Variants in PCDHGA11 observed in about 807,000 individuals in gnomAD.
The protein encoded by PCDHGA11 is protocadherin gamma subfamily A, 11, also known as protocadherin gamma-A11.
A neutral mutation model predicts 60.4 loss-of-function variants in PCDHGA11; 39 were observed. The observed-to-expected ratio is 0.65, with a 90% CI of 0.50 to 0.84. The LOEUF (loss-of-function observed/expected upper bound fraction) is 0.84, where lower values mean the gene tolerates loss of function less well. Among genes scored for constraint, PCDHGA11 ranks in the 40% least tolerant of loss-of-function variants. The pLI, the probability that PCDHGA11 is intolerant of heterozygous loss-of-function variation, is 0.00. For synonymous variants in PCDHGA11, 533 were observed against 510.3 expected, an observed-to-expected ratio of 1.04 and a Z score of -0.60; for missense variants, 1,165 against 1,197.7, an observed-to-expected ratio of 0.97 and a Z score of 0.40.
chr5:141,439,289 T>C (rs1454088176), intron 1 of PCDHGA11, among the ~76,000 whole-genome samples: 1 of 151,850 alleles, frequency 6.6e-6, no homozygotes, highest in African/African-American at 2.4e-5. Flanking sequence ...CTGTGTTCCA[T>C]GGAAAAAGTA....
intron 1 of PCDHGA11, among the ~76,000 whole-genome samples, chr5:141,460,307 C>A (rs1025049001): frequency 6.6e-6 from 1 of 152,102 alleles, no homozygotes; most frequent in African/African-American, 2.4e-5. Context: ...TATTCAAAAA[C>A]TCCTTGCCTA....
intron 2 of PCDHGA11, among the ~76,000 whole-genome samples, chr5:141,501,057 C>T (rs185929124): frequency 9.7e-4 from 147 of 151,960 alleles, no homozygotes; most frequent in African/African-American, 3.4e-3. Context: ...TTAGTAGAGA[C>T]GGGGTTTCAC....
chr5:141,485,826 G>A lies in PCDHGA11; in HGVS notation c.2434-8981G>A. The A allele has an allele frequency of 6.2e-7, 1 of 1,614,070 alleles. No individual in the cohort carries two copies. Among genetic ancestry groups the A allele is most frequent in the South Asian group, 1.1e-5 (1 of 91,078 alleles). Reference sequence around the variant, plus strand: ...CTGGTGCTGACTGCTGTCGATGGAGGGAACCCGCCGAGATCTGGCACCGCA... The same window carrying A: ...CTGGTGCTGACTGCTGTCGATGGAGAGAACCCGCCGAGATCTGGCACCGCA... On this transcript the variant is annotated intron_variant, in intron 1 of 3. Transcript: ENST00000398587. The surrounding 1 kb of genome is among the most constrained non-coding windows in gnomAD (Gnocchi z 5.7).
At chr5:141,450,885 T>C (rs1262944058) in intron 1 of PCDHGA11, among the ~76,000 whole-genome samples, 1 of 149,238 alleles carries the variant, frequency 6.7e-6, no homozygotes, top group African/African-American at 2.5e-5. Context: ...TGTGCAGTGG[T>C]GCGATATCGG....
chr5:141,443,274 A>G (rs1259320198), intron 1 of PCDHGA11, among the ~76,000 whole-genome samples: 12 of 151,534 alleles, frequency 7.9e-5, no homozygotes, highest in African/African-American at 1.7e-4. Context: ...TGAGCCCAGG[A>G]GTTTGAGACC....
chr5:141,501,030 A>G (rs2099805050), intron 2 of PCDHGA11, among the ~76,000 whole-genome samples: 1 of 151,848 alleles, frequency 6.6e-6, no homozygotes, highest in Admixed American at 6.6e-5. Flanking sequence ...CACCACGCCC[A>G]GCTAATTTTT....
intron 1 of PCDHGA11, among the ~76,000 whole-genome samples, chr5:141,458,876 G>T (rs187470646): frequency 5.0e-4 from 76 of 152,248 alleles, no homozygotes; most frequent in African/African-American, 1.7e-3. Context: ...GGGACTACAG[G>T]CATGCACACC....
chr5:141,432,133 C>G lies in PCDHGA11; in HGVS notation c.2433+8473C>G. ...CGGTCTTCCCTCAGGCCTCCTATTC[C>G]GCTTATATCCCAGAGAACAATCCCA... On this transcript the variant is annotated intron_variant, in intron 1 of 3. Transcript: ENST00000398587. The surrounding 1 kb of genome is among the most constrained non-coding windows in gnomAD (Gnocchi z 6.0). 1 of 1,614,142 alleles carries G rather than the reference C, an allele frequency of 6.2e-7. No homozygotes were observed. The highest frequency in any genetic ancestry group is 1.1e-5 in the South Asian group (1 of 91,070).
chr5:141,478,497 C>A (rs746475685), intron 1 of PCDHGA11: 2 of 1,612,820 alleles, frequency 1.2e-6, no homozygotes, highest in Non-Finnish European at 1.7e-6. Context: ...AGCTGTGATC[C>A]GGTGTTCTAT....
At chr5:141,478,287 G>C (rs777542913) in intron 1 of PCDHGA11, 1 of 1,614,154 alleles carries the variant, frequency 6.2e-7, no homozygotes, top group South Asian at 1.1e-5. Context: ...AAGCAGTCTA[G>C]AGACCTATAC....
rs750014647 is a variant in PCDHGA11, at chr5:141,426,649, T to C, written c.2433+2989T>C. 53 of 418,716 alleles carry C rather than the reference T, an allele frequency of 1.3e-4. 1 individual carries two copies. Among genetic ancestry groups the C allele is most frequent in the South Asian group, 6.9e-4 (42 of 60,762 alleles). The allele number at this position is 418,716 out of a possible 1,614,324, so 25.9% of individuals were successfully genotyped here. On this transcript the variant is annotated intron_variant, in intron 1 of 3. Coordinates refer to ENST00000398587, the MANE Select transcript of PCDHGA11 (RefSeq NM_018914.3). Reference sequence around the variant, plus strand: ...AATGTTTTTCACATAAATGTGATGATAGAAGATATAAATGATAACCCACCT... The same window carrying C: ...AATGTTTTTCACATAAATGTGATGACAGAAGATATAAATGATAACCCACCT...
chr5:141,432,264 C>A lies in PCDHGA11; in HGVS notation c.2433+8604C>A. On this transcript the variant is annotated intron_variant, in intron 1 of 3. Transcript: ENST00000398587. The surrounding 1 kb of genome is among the most constrained non-coding windows in gnomAD (Gnocchi z 6.0). Reference sequence around the variant, plus strand: ...AACACCATCCAAGGGGCAAGCCTATCGTCCTACGTGTCCATCAACTCCGAC... The same window carrying A: ...AACACCATCCAAGGGGCAAGCCTATAGTCCTACGTGTCCATCAACTCCGAC... 5 of 1,614,252 alleles carry A rather than the reference C, an allele frequency of 3.1e-6. No homozygotes were observed. Among genetic ancestry groups the A allele is most frequent in the Non-Finnish European group, 4.2e-6 (5 of 1,180,044 alleles).
chr5:141,497,702 G>A (rs904199928), intron 2 of PCDHGA11, among the ~76,000 whole-genome samples: 16 of 152,054 alleles, frequency 1.1e-4, no homozygotes, highest in African/African-American at 3.9e-4. Context: ...ACCACACCCA[G>A]CTCATTTTTG....
chr5:141,453,387 G>A (rs1313174494), intron 1 of PCDHGA11, among the ~76,000 whole-genome samples: 1 of 151,936 alleles, frequency 6.6e-6, no homozygotes, highest in Non-Finnish European at 1.5e-5. Flanking sequence ...TCCTGCCTTA[G>A]CCTCCAAGTG....
chr5:141,451,216 A>G (rs1561943760), intron 1 of PCDHGA11, among the ~76,000 whole-genome samples: 1 of 152,204 alleles, frequency 6.6e-6, no homozygotes, highest in Non-Finnish European at 1.5e-5. Context: ...TTAGTGGCTT[A>G]AAAGAAGCAT....
At position 141,486,055 on chromosome 5, in the gene PCDHGA11, C is replaced by T; in HGVS notation, c.2434-8752C>T. 6.2e-7 allele frequency: 1 copy of T among 1,614,170 alleles called. No individual in the cohort carries two copies. ...CTGATCGTGTAAGAAACCTCTTTAG[C>T]CTGCACCCCACTACTGGAAAGCTTA... On this transcript the variant is annotated intron_variant, in intron 1 of 3. Transcript: ENST00000398587. The surrounding 1 kb of genome is among the most constrained non-coding windows in gnomAD (Gnocchi z 5.0).
chr5:141,476,747 C>A lies in PCDHGA11; in HGVS notation c.2434-18060C>A. 1 of 1,614,066 alleles carries A rather than the reference C, an allele frequency of 6.2e-7. No homozygotes were observed. The highest frequency in any genetic ancestry group is 1.3e-5 in the African/African-American group (1 of 75,074). On this transcript the variant is annotated intron_variant, in intron 1 of 3. Transcript: ENST00000398587. The surrounding 1 kb of genome is among the most constrained non-coding windows in gnomAD (Gnocchi z 7.6). ...GGACCGAGAACGGGAGCCTAGTCTCCAGTTAGTGCTGACGGCGTTGGACGG... is the reference window on the plus strand; with the variant it reads ...GGACCGAGAACGGGAGCCTAGTCTCAAGTTAGTGCTGACGGCGTTGGACGG...
chr5:141,426,431 A>G (rs916399837), intron 1 of PCDHGA11: 1 of 297,328 alleles, frequency 3.4e-6, no homozygotes, highest in Non-Finnish European at 6.7e-6. Context: ...GTGGTGGGGA[A>G]CCTTGCGGAG....
Position 141,422,492 on chromosome 5 carries a change from C to G in PCDHGA11, c.1265C>G (p.Thr422Arg), listed in dbSNP as rs747903569. ...GAGTTGGTCCAGAGCTACAATATAA[C>G]GTTGACAGCCACAGACCAGGGAAGC... ...DRELVQSYNI[T>R]LTATDQGSPP... is the part of the protein sequence containing the mutation. The change falls in exon 1 of 4, where the codon ACG becomes AGG. Residue 422 changes from threonine to arginine, a missense_variant. Thr to Arg is a moderately conservative substitution (Grantham distance 71). Transcript: ENST00000398587. 6.2e-6 allele frequency: 10 copies of G among 1,613,934 alleles called. No individual in the cohort carries two copies. The highest frequency in any genetic ancestry group is 8.5e-6 in the Non-Finnish European group (10 of 1,179,862).
Sources: allele counts gnomAD v4.1 joint callset (sites outside exome capture counted in the v4.1 genomes callset), GRCh38; gene constraint gnomAD v4.1.1; non-coding constraint Gnocchi (gnomAD v3.1); transcripts MANE v1.5; gene names NCBI Gene and HGNC (gene_info 2026-07-23, HGNC 2026-07-21).